Variants in PKNOX2 observed in about 807,000 individuals in gnomAD.
The protein encoded by PKNOX2 is PBX/knotted 1 homeobox 2.
A neutral mutation model predicts 53.1 loss-of-function variants in PKNOX2; 14 were observed. The ratio of observed to expected loss-of-function variants is 0.26; its 90% confidence interval spans 0.17 to 0.41. PKNOX2 has a LOEUF of 0.41. Among genes scored for constraint, PKNOX2 ranks in the 10% least tolerant of loss-of-function variants. The pLI is 1.00. For synonymous variants in PKNOX2, 257 were observed against 242.8 expected (o/e 1.06, Z -0.54); for missense variants, 496 against 602.8 (o/e 0.82, Z 1.85).
In PKNOX2 at chr11:125,263,640, G is replaced by A. The variant is rs965821666; in HGVS notation, c.-130+28525G>A. Among the ~76,000 whole-genome samples the A allele has an allele frequency of 2.6e-5, 4 of 152,356 alleles. No homozygotes were observed. In the East Asian group the frequency reaches 5.8e-4, roughly 22 times the overall value. On this transcript the variant is annotated intron_variant, in intron 2 of 12. Coordinates refer to ENST00000298282, the MANE Select transcript of PKNOX2 (RefSeq NM_001382323.2). ...TGAGGAGCAGCGCGGGAGGGGGAGA[G>A]CTGCCGAGGGCCAGACTGGGCCCCA... is the stretch of plus-strand genomic sequence containing the variant.
chr11:125,302,058 C>T (rs1204404275), intron 2 of PKNOX2, among the ~76,000 whole-genome samples: 2 of 152,174 alleles, frequency 1.3e-5, no homozygotes, highest in African/African-American at 2.4e-5. Context: ...GCATCTCAGA[C>T]GCAGTTCGCC....
intron 5 of PKNOX2, among the ~76,000 whole-genome samples, chr11:125,376,055 T>C (rs1294765521): frequency 6.6e-6 from 1 of 152,168 alleles, no homozygotes; most frequent in Admixed American, 6.5e-5. Context: ...TTTCACTGTG[T>C]TGAGATTTCA....
intron 2 of PKNOX2, among the ~76,000 whole-genome samples, chr11:125,330,969 G>C (rs544632958): frequency 2.6e-5 from 4 of 152,064 alleles, no homozygotes; most frequent in African/African-American, 7.2e-5. Flanking sequence ...CGGTTCTCCC[G>C]ATGCTGCTCT....
At chr11:125,390,131 C>T (rs759035376) in intron 6 of PKNOX2, among the ~76,000 whole-genome samples, 28 of 152,220 alleles carry the variant, frequency 1.8e-4, no homozygotes, top group Non-Finnish European at 3.8e-4. Context: ...GAATCCTCAA[C>T]GCTAGTAATA....
At chr11:125,200,720 T>C (rs1380915548) in intron 1 of PKNOX2, among the ~76,000 whole-genome samples, 1 of 151,960 alleles carries the variant, frequency 6.6e-6, no homozygotes, top group African/African-American at 2.4e-5. Context: ...TGATGTGGAG[T>C]TTATTGTCTG....
chr11:125,229,645 T>A (rs866342381), intron 1 of PKNOX2, among the ~76,000 whole-genome samples: 1 of 151,986 alleles, frequency 6.6e-6, no homozygotes, highest in Admixed American at 6.6e-5. Flanking sequence ...GCAAAAACAG[T>A]GTGAGGCTGG....
chr11:125,253,852 C>T (rs138031779), intron 2 of PKNOX2, among the ~76,000 whole-genome samples: 157 of 152,264 alleles, frequency 1.0e-3, no homozygotes, highest in Middle Eastern at 3.4e-3. Flanking sequence ...AGATATGCCC[C>T]AGATTGGACT....
At chr11:125,180,534 C>G (rs1956096782) in intron 1 of PKNOX2, among the ~76,000 whole-genome samples, 1 of 152,234 alleles carries the variant, frequency 6.6e-6, no homozygotes, top group African/African-American at 2.4e-5. Flanking sequence ...TCTCATTTAA[C>G]AACTGAGTAA....
chr11:125,212,686 A>T (rs781247240), intron 1 of PKNOX2, among the ~76,000 whole-genome samples: 8 of 151,858 alleles, frequency 5.3e-5, no homozygotes, highest in African/African-American at 7.3e-5. Context: ...CCCTGGGCTG[A>T]TAGGTGGTTC....
intron 6 of PKNOX2, among the ~76,000 whole-genome samples, chr11:125,390,923 C>T (rs1954013899): frequency 6.6e-6 from 1 of 152,144 alleles, no homozygotes; most frequent in Non-Finnish European, 1.5e-5. Flanking sequence ...TTTTTCATGT[C>T]CCATTTTTTG....
At chr11:125,334,030 T>C (rs1179926676) in intron 3 of PKNOX2, among the ~76,000 whole-genome samples, 2 of 151,928 alleles carry the variant, frequency 1.3e-5, no homozygotes, top group Non-Finnish European at 2.9e-5. Context: ...GAGGCAGAGG[T>C]GCCTAGGAAG....
At chr11:125,383,906 T>A (rs7937190) in intron 5 of PKNOX2, among the ~76,000 whole-genome samples, 42,176 of 151,884 alleles carry the variant, frequency 0.28, 7,428 homozygotes, top group African/African-American at 0.47. Context: ...ACATTCCTCC[T>A]CCTTGCCCAG....
chr11:125,300,752 C>T (rs1437571037), intron 2 of PKNOX2, among the ~76,000 whole-genome samples: 1 of 152,142 alleles, frequency 6.6e-6, no homozygotes, highest in Non-Finnish European at 1.5e-5. Flanking sequence ...AATAAACTCT[C>T]CCCAGATCCC....
At chr11:125,399,816 AG>A (rs1954628294) in intron 7 of PKNOX2, among the ~76,000 whole-genome samples, 1 of 152,174 alleles carries the variant, frequency 6.6e-6, no homozygotes, top group Admixed American at 6.5e-5. Context: ...GGAAGGAAGG[AG>A]GGGCAGAGGG....
At position 125,352,350 on chromosome 11, in the gene PKNOX2, G is replaced by A. The variant is rs113622674; in HGVS notation, c.87+958G>A. Among the ~76,000 whole-genome samples, 12 of 152,204 alleles carry A rather than the reference G, an allele frequency of 7.9e-5. No homozygotes were observed. The South Asian group carries it at 2.1e-3, about 26-fold the overall frequency. ...AGCTAGAATGTCCATCCACAAATTC[G>A]CCCATGTGCAGCAGGTGCCCGCTGG... is the stretch of plus-strand genomic sequence containing the variant. On this transcript the variant is annotated intron_variant, in intron 4 of 12. Coordinates refer to ENST00000298282, the MANE Select transcript of PKNOX2 (RefSeq NM_001382323.2). The surrounding 1 kb of genome is among the most constrained non-coding windows in gnomAD (Gnocchi z 4.1).
chr11:125,392,325 G>A (rs527903047), intron 6 of PKNOX2, among the ~76,000 whole-genome samples: 16 of 152,330 alleles, frequency 1.1e-4, no homozygotes, highest in Admixed American at 5.2e-4. Context: ...GAGCGGGCTC[G>A]GACTCAAATC....
At chr11:125,387,626 G>A (rs1221229074) in intron 6 of PKNOX2, among the ~76,000 whole-genome samples, 1 of 152,214 alleles carries the variant, frequency 6.6e-6, no homozygotes, top group Admixed American at 6.5e-5. Context: ...CCCCATGCCA[G>A]GCCTGACCCA....
intron 5 of PKNOX2, among the ~76,000 whole-genome samples, chr11:125,377,761 C>CAAAACAAA (rs1386218631): frequency 2.0e-5 from 3 of 152,152 alleles, no homozygotes; most frequent in Non-Finnish European, 2.9e-5. Context: ...AACAAACAAA[C>CAAAACAAA]AAAACAACAA....
At chr11:125,347,571 T>C (rs1462049115) in intron 3 of PKNOX2, among the ~76,000 whole-genome samples, 1 of 152,092 alleles carries the variant, frequency 6.6e-6, no homozygotes, top group African/African-American at 2.4e-5. Flanking sequence ...TTGAGGAGGC[T>C]GAGGGAGGTG....
Sources: gnomAD v4.1 joint callset for allele counts (sites outside exome capture counted in the v4.1 genomes callset) on GRCh38, gnomAD v4.1.1 for gene constraint, Gnocchi (gnomAD v3.1) non-coding constraint, MANE v1.5 for transcripts, NCBI Gene and HGNC (gene_info 2026-07-23, HGNC 2026-07-21) for gene names.